KATNIP: variants seen among roughly 807,000 people sequenced by gnomAD.
KATNIP encodes the protein katanin interacting protein.
In KATNIP, 126 loss-of-function variants were observed where a neutral mutation model predicts 174.0. The observed-to-expected ratio is 0.72, with a 90% CI of 0.63 to 0.84. The LOEUF (loss-of-function observed/expected upper bound fraction) is 0.84, where lower values mean the gene tolerates loss of function less well. Among genes scored for constraint, KATNIP ranks in the 40% least tolerant of loss-of-function variants. KATNIP has a pLI of 0.00. For synonymous variants in KATNIP, 810 were observed against 835.7 expected (o/e 0.97, Z 0.53); for missense variants, 1,958 against 2,109.7 (o/e 0.93, Z 1.41).
rs532204156 is a variant in KATNIP, at chr16:27,752,966, A to C, written c.3552+1042A>C. On this transcript the variant is annotated intron_variant, in intron 17 of 27. Coordinates refer to ENST00000261588, the MANE Select transcript of KATNIP (RefSeq NM_015202.5). ...GGTAGGGGAGAAATGGGGACAACAC[A>C]AGCCACAAGGGATGGGGCTGGGCTG... 6.6e-5 allele frequency among the ~76,000 whole-genome samples: 10 copies of C among 152,332 alleles called. No homozygotes were observed. In the South Asian group the frequency reaches 2.1e-3, roughly 32 times the overall value.
At chr16:27,628,079 A>G (rs370714770) in intron 3 of KATNIP, among the ~76,000 whole-genome samples, 4 of 152,222 alleles carry the variant, frequency 2.6e-5, no homozygotes, top group African/African-American at 7.2e-5. Flanking sequence ...TTTTAACTGC[A>G]TTAGAATATG....
intron 15 of KATNIP, among the ~76,000 whole-genome samples, chr16:27,741,164 T>C (rs2081093699): frequency 6.6e-6 from 1 of 152,254 alleles, no homozygotes; most frequent in African/African-American, 2.4e-5. Flanking sequence ...GTATGTCCCT[T>C]TGCCCATTTT....
chr16:27,596,844 G>A (rs1413998104), intron 2 of KATNIP, among the ~76,000 whole-genome samples: 3 of 152,154 alleles, frequency 2.0e-5, no homozygotes, highest in Non-Finnish European at 4.4e-5. Context: ...GCAACATGGT[G>A]AAAACCTGTC....
intron 7 of KATNIP, chr16:27,681,121 C>T (rs991027095): frequency 4.9e-5 from 17 of 348,754 alleles, no homozygotes; most frequent in African/African-American, 1.9e-4. Flanking sequence ...TGTGAGCCAC[C>T]GCCTGGCTGC....
At chr16:27,640,964 T>C (rs1294116766) in intron 5 of KATNIP, among the ~76,000 whole-genome samples, 3 of 152,048 alleles carry the variant, frequency 2.0e-5, no homozygotes, top group Non-Finnish European at 4.4e-5. Flanking sequence ...GCTGAAACCC[T>C]GTCTCTACTA....
intron 2 of KATNIP, among the ~76,000 whole-genome samples, chr16:27,589,673 C>T (rs897229768): frequency 6.6e-6 from 1 of 152,116 alleles, no homozygotes; most frequent in Non-Finnish European, 1.5e-5. Context: ...TGTCTTTATT[C>T]CTGTGTTTTG....
At chr16:27,743,663 C>T (rs540029159) in intron 15 of KATNIP, among the ~76,000 whole-genome samples, 5 of 152,256 alleles carry the variant, frequency 3.3e-5, no homozygotes, top group African/African-American at 4.8e-5. Flanking sequence ...GGTCCAGGCA[C>T]GTTACCCAAA....
chr16:27,758,515 T>TG (rs2081822375), intron 18 of KATNIP, among the ~76,000 whole-genome samples: 1 of 152,130 alleles, frequency 6.6e-6, no homozygotes, highest in Non-Finnish European at 1.5e-5. Flanking sequence ...CTCCCCTGCT[T>TG]CAACATAGAA....
intron 1 of KATNIP, among the ~76,000 whole-genome samples, chr16:27,572,050 A>C (rs1417863932): frequency 6.6e-6 from 1 of 151,840 alleles, no homozygotes; most frequent in Non-Finnish European, 1.5e-5. Context: ...TAGAGCGTTC[A>C]GCAAAATTGA....
At chr16:27,599,878 G>A (rs933459241) in intron 2 of KATNIP, among the ~76,000 whole-genome samples, 1 of 152,130 alleles carries the variant, frequency 6.6e-6, no homozygotes, top group African/African-American at 2.4e-5. Context: ...TGTCCCTTCT[G>A]CTCTGTGCTC....
intron 20 of KATNIP, among the ~76,000 whole-genome samples, chr16:27,768,224 G>A (rs1024482596): frequency 6.6e-6 from 1 of 152,224 alleles, no homozygotes; most frequent in Non-Finnish European, 1.5e-5. Context: ...GGAAGCCAGG[G>A]CCCTGGACTC....
At chr16:27,768,288 C>T (rs1205457819) in intron 20 of KATNIP, among the ~76,000 whole-genome samples, 1 of 152,140 alleles carries the variant, frequency 6.6e-6, no homozygotes. Context: ...TCACTTAGTC[C>T]CTGTGAAGTT....
chr16:27,591,753 T>C (rs2075174792), intron 2 of KATNIP, among the ~76,000 whole-genome samples: 1 of 152,202 alleles, frequency 6.6e-6, no homozygotes, highest in African/African-American at 2.4e-5. Flanking sequence ...GCACTCATTT[T>C]GTGCCATGGT....
chr16:27,722,597 T>C (rs1483079008), intron 14 of KATNIP, among the ~76,000 whole-genome samples: 1 of 152,218 alleles, frequency 6.6e-6, no homozygotes, highest in Non-Finnish European at 1.5e-5. Flanking sequence ...GCAAGAGTTG[T>C]ACTTTCCTTT....
At chr16:27,588,878 C>CTTTTTTTTTTTTTTTTTT (rs11346883) in intron 2 of KATNIP, among the ~76,000 whole-genome samples, 1 of 78,098 alleles carries the variant, frequency 1.3e-5, no homozygotes, top group African/African-American at 5.3e-5. Flanking sequence ...CAACTCTATT[C>CTTTTTTTTTTTTTTTTTT]TTTTTTTTTT....
At chr16:27,591,587 A>T (rs576640977) in intron 2 of KATNIP, among the ~76,000 whole-genome samples, 4 of 152,088 alleles carry the variant, frequency 2.6e-5, no homozygotes, top group Non-Finnish European at 5.9e-5. Context: ...CACCTCTCAA[A>T]TGGGGATAAT....
intron 1 of KATNIP, among the ~76,000 whole-genome samples, chr16:27,550,379 C>G (rs902874338): frequency 2.0e-5 from 3 of 152,168 alleles, no homozygotes; most frequent in African/African-American, 4.8e-5. Context: ...TGTGACCATT[C>G]TGCTCGGCTG....
At chr16:27,701,433 A>C in intron 10 of KATNIP, 156 bp from the exon 11 acceptor site, 1 of 608,356 alleles carries the variant, frequency 1.6e-6, no homozygotes, top group Non-Finnish European at 3.0e-6. Flanking sequence ...TCTAGATAGA[A>C]GCTCCAGGCA....
intron 2 of KATNIP, among the ~76,000 whole-genome samples, chr16:27,599,468 C>T (rs1253633718): frequency 1.3e-5 from 2 of 152,142 alleles, no homozygotes; most frequent in Non-Finnish European, 2.9e-5. Context: ...CACACTCAGA[C>T]CTGCTCTCCC....
Sources: gnomAD v4.1 joint callset for allele counts (sites outside exome capture counted in the v4.1 genomes callset) on GRCh38, gnomAD v4.1.1 for gene constraint, MANE v1.5 for transcripts, NCBI Gene and HGNC (gene_info 2026-07-23, HGNC 2026-07-21) for gene names.